Variants in DPH6 observed in about 807,000 individuals in gnomAD.
DPH6 encodes the protein diphthine--ammonia ligase.
DPH6 carries 33 observed loss-of-function variants against 38.2 expected under a neutral mutation model. That is an observed-to-expected ratio of 0.86 (90% CI 0.65 to 1.15). The LOEUF (loss-of-function observed/expected upper bound fraction) is 1.15, where lower values mean the gene tolerates loss of function less well. Ranked by LOEUF, DPH6 falls within the 50% of genes most tolerant of loss-of-function variation. The pLI, the probability that DPH6 is intolerant of heterozygous loss-of-function variation, is 0.00. For synonymous variants in DPH6, 108 were observed against 103.0 expected (o/e 1.05, Z -0.30); for missense variants, 325 against 320.0 (o/e 1.02, Z -0.12).
the DPH6 span, among the ~76,000 whole-genome samples, chr15:35,169,165 GTTAAA>G: frequency 6.6e-6 from 1 of 151,998 alleles, no homozygotes; most frequent in South Asian, 2.1e-4. Flanking sequence ...TTTTATATTA[GTTAAA>G]TTAATACAGA....
intron 3 of DPH6, among the ~76,000 whole-genome samples, chr15:35,492,599 T>C (rs888912843): frequency 7.2e-5 from 11 of 152,212 alleles, no homozygotes; most frequent in Admixed American, 3.9e-4. Context: ...ATTTTCAAGT[T>C]TGGAAGCATT....
rs144634637 is a variant in DPH6 at position 35,388,586 on chromosome 15, A to C, written c.568-6670T>G. Among the ~76,000 whole-genome samples, 130 of 152,336 alleles carry C rather than the reference A, an allele frequency of 8.5e-4. 1 individual carries two copies. In the East Asian group the frequency reaches 0.019, roughly 23 times the overall value. ...TAGTCTTGGAAGAGTGTATGTGTCC[A>C]GGAATTTATCCATTTCTTCTAGATT... On this transcript the variant is annotated intron_variant, in intron 6 of 8. Coordinates refer to ENST00000256538, the MANE Select transcript of DPH6 (RefSeq NM_080650.4).
At chr15:35,427,027 A>G (rs1439520223) in intron 5 of DPH6, among the ~76,000 whole-genome samples, 1 of 151,766 alleles carries the variant, frequency 6.6e-6, no homozygotes, top group Non-Finnish European at 1.5e-5. Context: ...AAGATAAAAA[A>G]AAAGACAAAA....
intron 5 of DPH6, among the ~76,000 whole-genome samples, chr15:35,420,927 T>C (rs2053497246): frequency 6.6e-6 from 1 of 152,140 alleles, no homozygotes. Flanking sequence ...GGAGACATTA[T>C]AACCGGTAAC....
At chr15:35,184,562 C>T in the DPH6 span, among the ~76,000 whole-genome samples, 31 of 152,166 alleles carry the variant, frequency 2.0e-4, no homozygotes, top group South Asian at 6.2e-3. Context: ...AAAAGTTGGC[C>T]TATATACTAA....
At chr15:35,397,885 A>G (rs893195908) in intron 6 of DPH6, among the ~76,000 whole-genome samples, 2 of 151,236 alleles carry the variant, frequency 1.3e-5, no homozygotes, top group Admixed American at 6.6e-5. Context: ...ACACACACAC[A>G]CACACACACA....
intron 5 of DPH6, among the ~76,000 whole-genome samples, chr15:35,436,753 G>GTTTTTTTTT (rs57241274): frequency 6.9e-6 from 1 of 144,048 alleles, no homozygotes; most frequent in Non-Finnish European, 1.5e-5. Flanking sequence ...CTGCCTTTAA[G>GTTTTTTTTT]TTTTTTTTTT....
chr15:35,407,245 T>C (rs1044151554), intron 6 of DPH6, among the ~76,000 whole-genome samples: 15 of 138,518 alleles, frequency 1.1e-4, no homozygotes, highest in African/African-American at 4.1e-4. Context: ...GGAAAAAGAA[T>C]TTATGCATTT....
At chr15:35,339,844 G>A (rs1374787171) in intron 3 of DPH6, among the ~76,000 whole-genome samples, 1 of 152,014 alleles carries the variant, frequency 6.6e-6, no homozygotes, top group Admixed American at 6.6e-5. Context: ...GTGGTCATAA[G>A]ATGTACATTC....
chr15:35,447,529 A>G (rs998163429), intron 5 of DPH6, among the ~76,000 whole-genome samples: 1 of 152,062 alleles, frequency 6.6e-6, no homozygotes, highest in African/African-American at 2.4e-5. Context: ...TTATAAACCC[A>G]CAGGGACAGT....
intron 6 of DPH6, among the ~76,000 whole-genome samples, chr15:35,386,327 T>C (rs1252975172): frequency 1.3e-5 from 2 of 152,240 alleles, no homozygotes; most frequent in South Asian, 2.1e-4. Flanking sequence ...TGTGTCTTTA[T>C]AGCAGCATGA....
At chr15:35,273,360 C>A (rs1809912793) in intron 3 of DPH6, among the ~76,000 whole-genome samples, 1 of 152,160 alleles carries the variant, frequency 6.6e-6, no homozygotes, top group African/African-American at 2.4e-5. Flanking sequence ...ATTCTTACGC[C>A]TTTGCATCCT....
At position 35,371,880 on chromosome 15, in the gene DPH6, A is replaced by G. The variant is rs1395655882; in HGVS notation, c.*270T>C. 1.8e-6 allele frequency: 2 copies of G among 1,111,876 alleles called. No individual in the cohort carries two copies. Among genetic ancestry groups the G allele is most frequent in the Non-Finnish European group, 2.2e-6 (2 of 908,302 alleles). 68.9% of individuals were successfully genotyped at this position (1,111,876 alleles called of 1,614,324 possible). On this transcript the variant is annotated 3_prime_UTR_variant, in exon 9 of 9. Coordinates refer to ENST00000256538, the MANE Select transcript of DPH6 (RefSeq NM_080650.4). Reference sequence around the variant, plus strand: ...AATGCTACAGAAATGGGGTTTATAGATGAAATAAAAGAAAAAAAAGGTCAT... The same window carrying G: ...AATGCTACAGAAATGGGGTTTATAGGTGAAATAAAAGAAAAAAAAGGTCAT...
chr15:35,516,408 TC>T lies in DPH6; in HGVS notation c.312+21865del, dbSNP rs1249316321. Among the ~76,000 whole-genome samples the T allele has an allele frequency of 3.3e-5, 5 of 152,322 alleles. No individual in the cohort carries two copies. The East Asian group carries it at 9.6e-4, about 29-fold the overall frequency. The stretch of plus-strand genomic sequence containing the variant: ...TATATGATCTATTCTACATGGATTA[TC>T]CCATTAAATGCTCATAATGACCCTA... On this transcript the variant is annotated intron_variant, in intron 3 of 8. Coordinates refer to ENST00000256538, the MANE Select transcript of DPH6 (RefSeq NM_080650.4).
At chr15:35,540,940 C>G (rs985850236) in intron 2 of DPH6, among the ~76,000 whole-genome samples, 1 of 152,078 alleles carries the variant, frequency 6.6e-6, no homozygotes, top group Non-Finnish European at 1.5e-5. Flanking sequence ...GTTGCCTCCC[C>G]CTGGCCACAA....
chr15:35,352,360 A>G (rs2052521457), intron 3 of DPH6, among the ~76,000 whole-genome samples: 1 of 152,104 alleles, frequency 6.6e-6, no homozygotes, highest in Non-Finnish European at 1.5e-5. Context: ...TACATGTGCC[A>G]TGTTGGTGTG....
intron 3 of DPH6, among the ~76,000 whole-genome samples, chr15:35,231,254 C>T (rs1329991028): frequency 6.6e-6 from 1 of 152,198 alleles, no homozygotes; most frequent in Non-Finnish European, 1.5e-5. Flanking sequence ...TGGGTGTCAA[C>T]TGAGTTTGGT....
At chr15:35,210,725 T>C in the DPH6 span, among the ~76,000 whole-genome samples, 1 of 152,140 alleles carries the variant, frequency 6.6e-6, no homozygotes, top group Non-Finnish European at 1.5e-5. Flanking sequence ...ATATTATTTA[T>C]CCTTGAGGAA....
chr15:35,511,479 A>G (rs1266837938), intron 3 of DPH6, among the ~76,000 whole-genome samples: 2 of 152,154 alleles, frequency 1.3e-5, no homozygotes, highest in Non-Finnish European at 2.9e-5. Context: ...AATGAGAGGA[A>G]AAAGAATAGG....
Sources: allele counts gnomAD v4.1 joint callset (sites outside exome capture counted in the v4.1 genomes callset), GRCh38; gene constraint gnomAD v4.1.1; transcripts MANE v1.5; gene names NCBI Gene and HGNC (gene_info 2026-07-23, HGNC 2026-07-21).